ANKRD31: variants seen among roughly 807,000 people sequenced by gnomAD.
ANKRD31 encodes ankyrin repeat domain 31.
A neutral mutation model predicts 186.0 loss-of-function variants in ANKRD31; 147 were observed. The observed-to-expected ratio is 0.79, with a 90% CI of 0.69 to 0.91. ANKRD31 has a LOEUF of 0.91. Ranked by LOEUF, ANKRD31 falls within the 40% of genes least tolerant of loss-of-function variation. The pLI is 0.00. For synonymous variants in ANKRD31, 673 were observed against 736.4 expected (o/e 0.91, Z 1.39); for missense variants, 1,986 against 2,148.8 (o/e 0.92, Z 1.50).
chr5:75,106,675 T>C (rs1580339423), intron 21 of ANKRD31, among the ~76,000 whole-genome samples: 1 of 151,992 alleles, frequency 6.6e-6, no homozygotes, highest in Middle Eastern at 3.4e-3. Flanking sequence ...CACAGGACAC[T>C]AAAGGAAATT....
At chr5:75,071,740 T>C (rs917095485) in intron 25 of ANKRD31, among the ~76,000 whole-genome samples, 6 of 152,022 alleles carry the variant, frequency 3.9e-5, no homozygotes, top group African/African-American at 1.4e-4. Context: ...TCAGGTGATC[T>C]GCCCACCTCG....
chr5:75,146,555 A>G lies in ANKRD31; in HGVS notation c.2856T>C (p.Leu952=), dbSNP rs1321268439. The change falls in exon 14 of 26, where the codon CTT becomes CTC. Residue 952 remains leucine (L), a synonymous_variant. Transcript: ENST00000506364. Reference sequence around the variant, plus strand: ...CTGCTTTTAACTCATTTTCCTGTGAAAGATGATCTTCAGAAAGTAAAAACT... The same window carrying G: ...CTGCTTTTAACTCATTTTCCTGTGAGAGATGATCTTCAGAAAGTAAAAACT... The part of the protein sequence containing the change: ...FQQFLLSEDH[L]SQENELKAVS... The G allele has an allele frequency of 2.6e-6, 4 of 1,536,446 alleles. No homozygotes were observed. The highest frequency in any genetic ancestry group is 1.2e-5 in the South Asian group (1 of 84,010).
At chr5:75,098,068 AG>A (rs1746479938) in intron 22 of ANKRD31, among the ~76,000 whole-genome samples, 2 of 151,572 alleles carry the variant, frequency 1.3e-5, no homozygotes, top group South Asian at 4.2e-4. Flanking sequence ...TGTGTCGCCC[AG>A]GCTGGAGTGC....
chr5:75,152,824 G>C (rs1310973284), intron 12 of ANKRD31, among the ~76,000 whole-genome samples: 2 of 151,874 alleles, frequency 1.3e-5, no homozygotes, highest in South Asian at 2.1e-4. Context: ...AGCAGAGCAG[G>C]GTTAGAGGGA....
chr5:75,132,511 AC>A (rs1456047664), intron 17 of ANKRD31, among the ~76,000 whole-genome samples: 1 of 152,210 alleles, frequency 6.6e-6, no homozygotes, highest in Non-Finnish European at 1.5e-5. Flanking sequence ...GAAATATGGG[AC>A]TATGTGAAAA....
At chr5:75,188,106 T>C (rs1754861009) in intron 10 of ANKRD31, among the ~76,000 whole-genome samples, 1 of 152,098 alleles carries the variant, frequency 6.6e-6, no homozygotes, top group Non-Finnish European at 1.5e-5. Context: ...ACATCTACCA[T>C]TTCATCATAA....
rs530535217 is a variant in ANKRD31, at chr5:75,180,778, C to A, written c.1564+7715G>T. Among the ~76,000 whole-genome samples, 248 of 152,214 alleles carry A rather than the reference C, an allele frequency of 1.6e-3. 4 individuals are homozygous for A. The highest frequency in any genetic ancestry group is 0.01 in the Middle Eastern group (3 of 292). Reference sequence around the variant, plus strand: ...CATGTTAGACCTAAAACCATAAAAACCCTAGAAGAAAACCTAGGCAATACC... The same window carrying A: ...CATGTTAGACCTAAAACCATAAAAAACCTAGAAGAAAACCTAGGCAATACC... On this transcript the variant is annotated intron_variant, in intron 10 of 25. Transcript: ENST00000506364.
chr5:75,138,113 T>G, intron 16 of ANKRD31, 115 bp from the exon 17 acceptor site: 1 of 879,044 alleles, frequency 1.1e-6, no homozygotes, highest in Non-Finnish European at 1.5e-6. Context: ...GATTCATATG[T>G]ATATACTAAG....
Position 75,148,592 on chromosome 5 carries a change from T to C in ANKRD31, c.1889A>G (p.Asp630Gly). The C allele has an allele frequency of 6.6e-7, 1 of 1,525,486 alleles. No homozygotes were observed. The highest frequency in any genetic ancestry group is 8.8e-7 in the Non-Finnish European group (1 of 1,140,326). The allele number at this position is 1,525,486 out of a possible 1,614,324, so 94.5% of individuals were successfully genotyped here. ...RSSIDPLDIE[D>G]VYQHKKPKFS... ...TAGATATACCTTGTGTTGGTACACA[T>C]CCTCTATGTCTAGTGGGTCAATGCT... The change falls in exon 13 of 26, where the codon GAT (aspartate) becomes GGT (glycine). Residue 630 changes from aspartate to glycine, a missense_variant. Transcript: ENST00000506364.
In ANKRD31 at chr5:75,116,590, T is replaced by C; in HGVS notation, c.4131A>G (p.Glu1377=). Reference sequence around the variant, plus strand: ...CCACAGAAAGGCTTTCTCTTGATCTTTCTTGGTGTGAAAGGGAAGATGAGT... The same window carrying C: ...CCACAGAAAGGCTTTCTCTTGATCTCTCTTGGTGTGAAAGGGAAGATGAGT... ...TIDSSSLSHQ[E]RSRESLSVHQ... is the part of the protein sequence containing the mutation. Residue 1377 remains glutamate, a synonymous_variant, in exon 19 of 26, where the codon GAA becomes GAG. Transcript: ENST00000506364. The C allele has an allele frequency of 3.4e-6, 5 of 1,463,094 alleles. No individual in the cohort carries two copies. Among genetic ancestry groups the C allele is most frequent in the Non-Finnish European group, 4.5e-6 (5 of 1,102,156 alleles). The allele number at this position is 1,463,094 out of a possible 1,614,324, so 90.6% of individuals were successfully genotyped here. A position where few individuals can be genotyped will look rare whatever the true frequency, so the allele number is the denominator to read the frequency against.
intron 17 of ANKRD31, among the ~76,000 whole-genome samples, chr5:75,133,669 T>C (rs1419437301): frequency 2.0e-5 from 3 of 152,182 alleles, no homozygotes; most frequent in African/African-American, 4.8e-5. Flanking sequence ...GGGGACCTAA[T>C]AGACATCTAC....
At chr5:75,117,004 C>T (rs770023262) in intron 18 of ANKRD31, among the ~76,000 whole-genome samples, 1 of 152,138 alleles carries the variant, frequency 6.6e-6, no homozygotes, top group Non-Finnish European at 1.5e-5. Flanking sequence ...CAATGTCACA[C>T]AGTTAGAACT....
In ANKRD31 at chr5:75,138,848, G is replaced by C. The variant is rs1412627726; in HGVS notation, c.3731C>G (p.Ala1244Gly). 3 of 1,535,696 alleles carry C rather than the reference G, an allele frequency of 2.0e-6. No individual in the cohort carries two copies. The highest frequency in any genetic ancestry group is 2.7e-5 in the African/African-American group (2 of 72,952). Residue 1244 changes from alanine to glycine, a missense_variant and splice_region_variant, in exon 16 of 26, where the codon GCA becomes GGA. By Grantham distance (60) the Ala-to-Gly change is moderately conservative (BLOSUM62 0). Transcript: ENST00000506364. Reference protein sequence around the residue: ...SGADVNLNDNAGWTPLHEASN... With the variant: ...SGADVNLNDNGGWTPLHEASN... Reference sequence around the variant, plus strand: ...AATTAAATTAAAAGGATCCAAACCTGCATTATCATTTAGATTCACATCTGC... The same window carrying C: ...AATTAAATTAAAAGGATCCAAACCTCCATTATCATTTAGATTCACATCTGC...
chr5:75,231,906 AACACACACACAC>A (rs56755264), intron 1 of ANKRD31, among the ~76,000 whole-genome samples: 2,941 of 144,670 alleles, frequency 0.02, 86 homozygotes, highest in African/African-American at 0.067. Flanking sequence ...ACTGTCTCAA[AACACACACACAC>A]ACACACACAC....
intron 9 of ANKRD31, among the ~76,000 whole-genome samples, chr5:75,189,056 A>C (rs994253699): frequency 6.6e-6 from 1 of 152,200 alleles, no homozygotes; most frequent in Admixed American, 6.5e-5. Flanking sequence ...CAAATGTCTT[A>C]TAAAACCATG....
At chr5:75,193,248 G>A in intron 8 of ANKRD31, 63 bp downstream of exon 8, 2 of 1,464,580 alleles carry the variant, frequency 1.4e-6, no homozygotes. Context: ...ATGTCCCCAA[G>A]CATATAATTA....
chr5:75,222,814 G>A (rs1057307625), intron 2 of ANKRD31, among the ~76,000 whole-genome samples: 1 of 152,166 alleles, frequency 6.6e-6, no homozygotes, highest in Non-Finnish European at 1.5e-5. Flanking sequence ...GTATTTCATG[G>A]TGTATATGTA....
At chr5:75,197,132 C>T (rs1391449535) in intron 6 of ANKRD31, among the ~76,000 whole-genome samples, 2 of 152,108 alleles carry the variant, frequency 1.3e-5, no homozygotes, top group African/African-American at 4.8e-5. Context: ...AATCTCCTGA[C>T]CTCAGGTGAT....
In ANKRD31 at chr5:75,197,961, C is replaced by T. The variant is rs73763023; in HGVS notation, c.447+1670G>A. The stretch of plus-strand genomic sequence containing the variant: ...ACAGCGAAAACTGCAAGTCATGTAA[C>T]GCAGCCAGAACCTTGAACCAAGAAG... On this transcript the variant is annotated intron_variant, in intron 6 of 25. Coordinates refer to ENST00000506364, the MANE Select transcript of ANKRD31 (RefSeq NM_001372053.1). Among the ~76,000 whole-genome samples, 164 of 152,256 alleles carry T rather than the reference C, an allele frequency of 1.1e-3. 1 individual carries two copies. The highest frequency in any genetic ancestry group is 3.6e-3 in the African/African-American group (148 of 41,564).
Sources: gnomAD v4.1 joint callset for allele counts (sites outside exome capture counted in the v4.1 genomes callset) on GRCh38, gnomAD v4.1.1 for gene constraint, MANE v1.5 for transcripts, NCBI Gene and HGNC (gene_info 2026-07-23, HGNC 2026-07-21) for gene names.